Variants in WDPCP observed in about 807,000 individuals in gnomAD.
WDPCP encodes WD repeat-containing and planar cell polarity effector protein fritz homolog.
WDPCP carries 71 observed loss-of-function variants against 93.1 expected under a neutral mutation model. The observed-to-expected ratio is 0.76, with a 90% CI of 0.63 to 0.93. The LOEUF is 0.93. Ranked by LOEUF, WDPCP falls within the 40% of genes least tolerant of loss-of-function variation. The pLI, the probability that WDPCP is intolerant of heterozygous loss-of-function variation, is 0.00. For synonymous variants in WDPCP, 315 were observed against 315.0 expected (o/e 1.00, Z 0.00); for missense variants, 844 against 887.4 (o/e 0.95, Z 0.62).
chr2:63,531,225 G>A (rs975327360), intron 1 of WDPCP, among the ~76,000 whole-genome samples: 7 of 152,228 alleles, frequency 4.6e-5, no homozygotes, highest in South Asian at 2.1e-4. Flanking sequence ...ACACCTCAAC[G>A]AGGCCTGCCT....
At chr2:63,792,693 C>T (rs1670561967) in intron 2 of WDPCP, among the ~76,000 whole-genome samples, 1 of 152,082 alleles carries the variant, frequency 6.6e-6, no homozygotes. Context: ...GGCTGGAATA[C>T]AGACAGAGGA....
chr2:63,756,380 A>G (rs559845645), intron 2 of WDPCP, among the ~76,000 whole-genome samples: 4 of 152,332 alleles, frequency 2.6e-5, no homozygotes, highest in African/African-American at 9.6e-5. Context: ...TTCAGGGTCC[A>G]TCAGTTCTTT....
chr2:63,577,574 A>C lies in WDPCP; in HGVS notation c.75+10623T>G, dbSNP rs1441292622. 2.6e-5 allele frequency among the ~76,000 whole-genome samples: 4 copies of C among 152,304 alleles called. No individual in the cohort carries two copies. In the South Asian group the frequency reaches 6.2e-4, roughly 24 times the overall value. ...AGGATGCAAACCTGCAAAATCTAATAGTCATGTAAGCCTGTGAGATTGCCA... is the reference window on the plus strand; with the variant it reads ...AGGATGCAAACCTGCAAAATCTAATCGTCATGTAAGCCTGTGAGATTGCCA... On this transcript the variant is annotated intron_variant, in intron 1 of 17. Transcript: ENST00000272321.
chr2:63,265,762 A>G (rs1445956282), intron 13 of WDPCP, among the ~76,000 whole-genome samples: 2 of 152,226 alleles, frequency 1.3e-5, no homozygotes, highest in African/African-American at 4.8e-5. Context: ...AAAATCCTCA[A>G]CAAAATACTA....
At chr2:63,235,488 A>T (rs1679310947) in intron 14 of WDPCP, among the ~76,000 whole-genome samples, 1 of 152,180 alleles carries the variant, frequency 6.6e-6, no homozygotes, top group Non-Finnish European at 1.5e-5. Flanking sequence ...CTCCTTCTTA[A>T]CTCATTCTAT....
At chr2:63,537,602 T>G (rs1704387954) in intron 1 of WDPCP, among the ~76,000 whole-genome samples, 1 of 152,148 alleles carries the variant, frequency 6.6e-6, no homozygotes, top group Non-Finnish European at 1.5e-5. Flanking sequence ...TTACATATCA[T>G]TTAATCTGAA....
At chr2:63,131,666 C>T (rs530890397) in intron 17 of WDPCP, among the ~76,000 whole-genome samples, 21 of 152,108 alleles carry the variant, frequency 1.4e-4, no homozygotes, top group African/African-American at 4.8e-4. Flanking sequence ...GAACATTATA[C>T]TTTCATGTGA....
chr2:63,661,665 A>G (rs1297203227), intron 2 of WDPCP, among the ~76,000 whole-genome samples: 1 of 152,228 alleles, frequency 6.6e-6, no homozygotes, highest in Non-Finnish European at 1.5e-5. Context: ...TTGTCAATCT[A>G]TGGAGATAAA....
intron 2 of WDPCP, among the ~76,000 whole-genome samples, chr2:63,783,845 C>G (rs1670432352): frequency 6.6e-6 from 1 of 152,076 alleles, no homozygotes; most frequent in African/African-American, 2.4e-5. Flanking sequence ...GATGGAGACA[C>G]TAAAATTCCA....
intron 2 of WDPCP, among the ~76,000 whole-genome samples, chr2:63,771,449 A>C (rs547584023): frequency 6.6e-6 from 1 of 152,050 alleles, no homozygotes; most frequent in Non-Finnish European, 1.5e-5. Context: ...TTTGTCAGTG[A>C]ATTCTACCGA....
chr2:63,257,644 C>T (rs369010270), intron 14 of WDPCP, among the ~76,000 whole-genome samples: 21 of 152,238 alleles, frequency 1.4e-4, no homozygotes, highest in African/African-American at 4.8e-4. Flanking sequence ...CTAGAAATGA[C>T]GCAGGGCTCA....
At chr2:63,389,786 A>G (rs1191630888) in intron 10 of WDPCP, among the ~76,000 whole-genome samples, 1 of 152,190 alleles carries the variant, frequency 6.6e-6, no homozygotes, top group Non-Finnish European at 1.5e-5. Context: ...ACAAAGATCA[A>G]AAGAGACAAA....
At chr2:63,682,022 C>T (rs576863499) in intron 2 of WDPCP, among the ~76,000 whole-genome samples, 1 of 152,330 alleles carries the variant, frequency 6.6e-6, no homozygotes, top group Admixed American at 6.5e-5. Context: ...TAGATCACAA[C>T]ATTCAAGTCC....
At chr2:63,338,551 TAAAAAAAAAAAAAA>T (rs373990599) in intron 12 of WDPCP, among the ~76,000 whole-genome samples, 1 of 25,088 alleles carries the variant, frequency 4.0e-5, no homozygotes, top group African/African-American at 2.0e-4. Context: ...AAACTCCATC[TAAAAAAAAAAAAAA>T]AAAAATATAT....
intron 1 of WDPCP, among the ~76,000 whole-genome samples, chr2:63,513,844 C>G (rs1702392041): frequency 6.6e-6 from 1 of 152,158 alleles, no homozygotes; most frequent in Non-Finnish European, 1.5e-5. Context: ...TGAAAATAGA[C>G]AGTTTTCCCT....
At chr2:63,757,478 C>A (rs1387813627) in intron 2 of WDPCP, among the ~76,000 whole-genome samples, 1 of 152,160 alleles carries the variant, frequency 6.6e-6, no homozygotes, top group Non-Finnish European at 1.5e-5. Flanking sequence ...TTAGAAACTA[C>A]CATACCTCAC....
chr2:63,726,547 T>A (rs1342012115), intron 2 of WDPCP, among the ~76,000 whole-genome samples: 1 of 152,140 alleles, frequency 6.6e-6, no homozygotes, highest in Non-Finnish European at 1.5e-5. Context: ...TTCCGTATGA[T>A]TTTAGAATAG....
intron 1 of WDPCP, among the ~76,000 whole-genome samples, chr2:63,562,793 T>C (rs1413075886): frequency 6.6e-6 from 1 of 152,214 alleles, no homozygotes; most frequent in Non-Finnish European, 1.5e-5. Flanking sequence ...ACATTCAAAA[T>C]GTCCCAGATT....
At chr2:63,323,097 C>T (rs376661339) in intron 12 of WDPCP, among the ~76,000 whole-genome samples, 49 of 152,328 alleles carry the variant, frequency 3.2e-4, no homozygotes, top group South Asian at 1.2e-3. Flanking sequence ...CATTCAGCTC[C>T]GGGGTCCCAA....
Sources: allele counts gnomAD v4.1 joint callset (sites outside exome capture counted in the v4.1 genomes callset), GRCh38; gene constraint gnomAD v4.1.1; transcripts MANE v1.5; gene names NCBI Gene and HGNC (gene_info 2026-07-23, HGNC 2026-07-21).